STPG2: variants seen among roughly 807,000 people sequenced by gnomAD.
The protein encoded by STPG2 is sperm-tail PG-rich repeat-containing protein 2.
A neutral mutation model predicts 54.2 loss-of-function variants in STPG2; 56 were observed. The ratio of observed to expected loss-of-function variants is 1.03; its 90% CI spans 0.83 to 1.29. STPG2 has a LOEUF of 1.29. Among genes scored for constraint, STPG2 ranks in the 50% most tolerant of loss-of-function variants. The pLI is 0.00. For synonymous variants in STPG2, 200 were observed against 181.8 expected (o/e 1.10, Z -0.81); for missense variants, 596 against 544.9 (o/e 1.09, Z -0.93).
At chr4:98,002,424 T>A (rs1735439413) in intron 5 of STPG2, among the ~76,000 whole-genome samples, 1 of 152,150 alleles carries the variant, frequency 6.6e-6, no homozygotes, top group African/African-American at 2.4e-5. Context: ...ATTTCCCATA[T>A]CTTCTGCTCA....
At chr4:97,628,552 T>A (rs1297021330) in intron 10 of STPG2, among the ~76,000 whole-genome samples, 1 of 152,024 alleles carries the variant, frequency 6.6e-6, no homozygotes, top group Non-Finnish European at 1.5e-5. Flanking sequence ...ATTAAATGTT[T>A]ATTTTATCAC....
At chr4:97,479,993 C>A (rs1296082746) in intron 4 of STPG2, among the ~76,000 whole-genome samples, 1 of 151,710 alleles carries the variant, frequency 6.6e-6, no homozygotes, top group Non-Finnish European at 1.5e-5. Context: ...AACTATTTTG[C>A]ACACTTGTAA....
At chr4:97,793,402 C>CACACAG (rs1553913919) in intron 9 of STPG2, among the ~76,000 whole-genome samples, 17 of 148,354 alleles carry the variant, frequency 1.1e-4, no homozygotes, top group African/African-American at 3.7e-4. Flanking sequence ...CACACACACA[C>CACACAG]AGAGAAATAG....
intron 8 of STPG2, among the ~76,000 whole-genome samples, chr4:97,881,730 CT>C: frequency 6.6e-6 from 1 of 152,264 alleles, no homozygotes; most frequent in South Asian, 2.1e-4. Context: ...ACTCCTCAGA[CT>C]TTCATACTTT....
At chr4:97,697,461 G>A (rs1033557255) in intron 10 of STPG2, among the ~76,000 whole-genome samples, 15 of 152,276 alleles carry the variant, frequency 9.9e-5, no homozygotes, top group South Asian at 2.1e-4. Flanking sequence ...AAAACACTTG[G>A]AGGCTCTGTG....
intron 3 of STPG2, among the ~76,000 whole-genome samples, chr4:98,113,019 A>C (rs1162355619): frequency 2.0e-5 from 3 of 151,960 alleles, no homozygotes; most frequent in Non-Finnish European, 4.4e-5. Flanking sequence ...CTATGAAAAA[A>C]AAAAAAAACT....
At chr4:97,638,790 A>G (rs1403766024) in intron 10 of STPG2, among the ~76,000 whole-genome samples, 2 of 147,794 alleles carry the variant, frequency 1.4e-5, no homozygotes, top group Non-Finnish European at 3.0e-5. Flanking sequence ...CAAAACCACA[A>G]TGAGATACCA....
intron 9 of STPG2, among the ~76,000 whole-genome samples, chr4:97,743,061 T>C (rs892964415): frequency 2.0e-5 from 3 of 151,812 alleles, no homozygotes; most frequent in African/African-American, 7.2e-5. Context: ...AAAGCTATTA[T>C]GTCATAAAAA....
At chr4:97,999,569 T>C (rs1405018713) in intron 5 of STPG2, among the ~76,000 whole-genome samples, 2 of 152,018 alleles carry the variant, frequency 1.3e-5, no homozygotes, top group Non-Finnish European at 2.9e-5. Flanking sequence ...CGTGGTGGCA[T>C]GGGCTTGTAA....
At chr4:97,948,631 AAGAACT>A (rs1733341965) in intron 7 of STPG2, among the ~76,000 whole-genome samples, 3 of 152,062 alleles carry the variant, frequency 2.0e-5, no homozygotes, top group African/African-American at 7.2e-5. Context: ...ATTCATTTCA[AAGAACT>A]GTTTAATTTC....
chr4:97,707,554 G>C (rs1249020577), intron 10 of STPG2, among the ~76,000 whole-genome samples: 4 of 151,966 alleles, frequency 2.6e-5, no homozygotes, highest in Non-Finnish European at 5.9e-5. Flanking sequence ...AAATAAAAGA[G>C]GATGGAGGGA....
At chr4:97,648,883 A>C (rs1274406936) in intron 10 of STPG2, among the ~76,000 whole-genome samples, 1 of 152,150 alleles carries the variant, frequency 6.6e-6, no homozygotes, top group African/African-American at 2.4e-5. Flanking sequence ...GACAAGTCTT[A>C]ATACTCAGGT....
At chr4:98,048,454 TA>T (rs1380675706) in intron 5 of STPG2, 3 of 152,276 alleles carry the variant, frequency 2.0e-5, no homozygotes, top group Non-Finnish European at 4.4e-5. Context: ...AAAGTACACA[TA>T]AAAAATTTTG....
At chr4:97,698,990 A>G (rs1723677877) in intron 10 of STPG2, among the ~76,000 whole-genome samples, 1 of 152,200 alleles carries the variant, frequency 6.6e-6, no homozygotes, top group Non-Finnish European at 1.5e-5. Context: ...TGGCAGAAGC[A>G]TTGCATACAG....
chr4:97,907,047 T>C (rs1731457119), intron 8 of STPG2, among the ~76,000 whole-genome samples: 1 of 151,452 alleles, frequency 6.6e-6, no homozygotes. Flanking sequence ...AAATAAAGGG[T>C]ATTCAATTAG....
intron 4 of STPG2, among the ~76,000 whole-genome samples, chr4:97,499,239 G>A (rs1314319800): frequency 1.3e-5 from 2 of 151,984 alleles, no homozygotes; most frequent in East Asian, 3.9e-4. Flanking sequence ...GATGGGATGA[G>A]AGTGCCCTGA....
chr4:98,114,762 TTTTTGTGTGTG>T, intron 3 of STPG2, among the ~76,000 whole-genome samples: 1 of 80,352 alleles, frequency 1.2e-5, no homozygotes, highest in South Asian at 4.1e-4. Flanking sequence ...CATTTTTTTT[TTTTTGTGTGTG>T]TGTGTGTGTG....
intron 5 of STPG2, among the ~76,000 whole-genome samples, chr4:98,102,422 C>G (rs1739065353): frequency 6.6e-6 from 1 of 152,144 alleles, no homozygotes; most frequent in African/African-American, 2.4e-5. Context: ...TTATATGACC[C>G]ACGAATTCTA....
At chr4:97,777,416 G>A (rs910401800) in intron 9 of STPG2, among the ~76,000 whole-genome samples, 2 of 152,224 alleles carry the variant, frequency 1.3e-5, no homozygotes, top group African/African-American at 2.4e-5. Context: ...TGCCTCCCAG[G>A]CAGCATAAAA....
Sources: gnomAD v4.1 joint callset for allele counts (sites outside exome capture counted in the v4.1 genomes callset) on GRCh38, gnomAD v4.1.1 for gene constraint, MANE v1.5 for transcripts, NCBI Gene and HGNC (gene_info 2026-07-23, HGNC 2026-07-21) for gene names.